LRFN5: variants seen among roughly 807,000 people sequenced by gnomAD.
The protein encoded by LRFN5 is leucine rich repeat and fibronectin type III domain containing 5.
Under a neutral mutation model 45.6 loss-of-function variants are expected in LRFN5, and 24 were observed. The observed-to-expected ratio is 0.53, with a 90% confidence interval of 0.38 to 0.74. The LOEUF (loss-of-function observed/expected upper bound fraction) is 0.74. Ranked by LOEUF, LRFN5 falls within the 30% of genes least tolerant of loss-of-function variation. The pLI is 0.00. For missense variants in LRFN5, 776 were observed against 861.5 expected (o/e 0.90, Z 1.24); for synonymous variants, 340 against 313.8 (o/e 1.08, Z -0.88).
chr14:41,753,525 G>T (rs993458697), intron 1 of LRFN5, among the ~76,000 whole-genome samples: 9 of 152,018 alleles, frequency 5.9e-5, no homozygotes, highest in Admixed American at 5.2e-4. Context: ...TCTCTTTGAA[G>T]CAATTGTGAA....
rs377131913 is a variant in LRFN5 at position 41,753,827 on chromosome 14, G to T, written c.-196-13027G>T. The stretch of plus-strand genomic sequence containing the variant: ...TGTTGAATAGGAGTGGTGAGAGAGG[G>T]CATCCCTGTCTTGTGCCAGTTTTCA... On this transcript the variant is annotated intron_variant, in intron 1 of 5. Coordinates refer to ENST00000298119, the MANE Select transcript of LRFN5 (RefSeq NM_152447.5). Among the ~76,000 whole-genome samples the T allele has an allele frequency of 2.5e-4, 38 of 152,246 alleles. No homozygotes were observed. The East Asian group carries it at 6.8e-3, about 27-fold the overall frequency.
chr14:41,790,603 G>T (rs1886885975), intron 2 of LRFN5, among the ~76,000 whole-genome samples: 1 of 147,776 alleles, frequency 6.8e-6, no homozygotes. Context: ...GGCTGATTTA[G>T]TTGCAATACA....
intron 1 of LRFN5, among the ~76,000 whole-genome samples, chr14:41,762,102 GCACAA>G (rs1885695875): frequency 7.0e-6 from 1 of 142,774 alleles, no homozygotes; most frequent in Non-Finnish European, 1.5e-5. Context: ...TGAAAAGCAA[GCACAA>G]CCTCTACCCA....
At chr14:41,856,865 A>G (rs1026341293) in intron 2 of LRFN5, among the ~76,000 whole-genome samples, 2 of 146,150 alleles carry the variant, frequency 1.4e-5, no homozygotes, top group African/African-American at 5.0e-5. Flanking sequence ...TTTAGTAGAG[A>G]CGGGGTTTCA....
At chr14:41,691,761 C>A (rs189904758) in intron 1 of LRFN5, among the ~76,000 whole-genome samples, 33 of 152,072 alleles carry the variant, frequency 2.2e-4, no homozygotes, top group Admixed American at 2.0e-3. Context: ...CCAGATTATC[C>A]CCATTCCTTA....
At chr14:41,693,122 A>AT (rs1882454445) in intron 1 of LRFN5, among the ~76,000 whole-genome samples, 1 of 152,096 alleles carries the variant, frequency 6.6e-6, no homozygotes, top group Non-Finnish European at 1.5e-5. Context: ...ACACTATACA[A>AT]TCTTGATTAT....
chr14:41,892,355 CAT>C (rs1368112605), intron 4 of LRFN5: 13 of 984,200 alleles, frequency 1.3e-5, no homozygotes, highest in African/African-American at 5.3e-5. Flanking sequence ...TGGAAGGAAA[CAT>C]AAATAAAATG....
intron 1 of LRFN5, among the ~76,000 whole-genome samples, chr14:41,734,133 C>G (rs887688952): frequency 1.4e-5 from 2 of 138,182 alleles, no homozygotes; most frequent in African/African-American, 5.3e-5. Context: ...TCAAGCAATT[C>G]TCCCGCCTCA....
At chr14:41,674,964 G>A (rs1160042837) in intron 1 of LRFN5, among the ~76,000 whole-genome samples, 20 of 151,910 alleles carry the variant, frequency 1.3e-4, no homozygotes, top group Admixed American at 1.3e-4. Context: ...CATCCCAGAC[G>A]GGGCGGCAGG....
chr14:41,818,924 A>G (rs1437567191), intron 2 of LRFN5, among the ~76,000 whole-genome samples: 1 of 152,050 alleles, frequency 6.6e-6, no homozygotes, highest in Non-Finnish European at 1.5e-5. Context: ...TACAGTATCT[A>G]TTATTCCACT....
At chr14:41,665,668 T>G (rs1176519080) in intron 1 of LRFN5, among the ~76,000 whole-genome samples, 1 of 152,028 alleles carries the variant, frequency 6.6e-6, no homozygotes, top group Non-Finnish European at 1.5e-5. Flanking sequence ...TCTGACATTT[T>G]TAACATAAAT....
intron 2 of LRFN5, among the ~76,000 whole-genome samples, chr14:41,883,235 T>A (rs1001318828): frequency 4.1e-4 from 63 of 152,272 alleles, no homozygotes; most frequent in Middle Eastern, 3.4e-3. Flanking sequence ...ATAATGTTAC[T>A]ATTTTTAAAA....
At chr14:41,672,634 C>G (rs1881289038) in intron 1 of LRFN5, among the ~76,000 whole-genome samples, 1 of 152,124 alleles carries the variant, frequency 6.6e-6, no homozygotes, top group Admixed American at 6.6e-5. Flanking sequence ...AAGTTATAAC[C>G]TTTAATCTTT....
chr14:41,743,393 C>T (rs1277201869), intron 1 of LRFN5, among the ~76,000 whole-genome samples: 1 of 152,106 alleles, frequency 6.6e-6, no homozygotes, highest in Non-Finnish European at 1.5e-5. Flanking sequence ...GTTGGCTGCT[C>T]ACTTAAACAG....
intron 2 of LRFN5, among the ~76,000 whole-genome samples, chr14:41,794,110 A>C (rs1014944315): frequency 6.6e-6 from 1 of 151,964 alleles, no homozygotes; most frequent in Non-Finnish European, 1.5e-5. Flanking sequence ...TATGACTCCC[A>C]CAAATGATGA....
chr14:41,891,202 G>C, intron 3 of LRFN5, 48 bp from the exon 4 acceptor site: 2 of 1,410,286 alleles, frequency 1.4e-6, no homozygotes, highest in Non-Finnish European at 2.0e-6. Context: ...TTCTGTGTAT[G>C]TGTTTTGTTT....
At chr14:41,849,542 T>G (rs1220510024) in intron 2 of LRFN5, among the ~76,000 whole-genome samples, 1 of 151,958 alleles carries the variant, frequency 6.6e-6, no homozygotes, top group African/African-American at 2.4e-5. Context: ...CTCACCTGCT[T>G]CTTCACACCT....
chr14:41,781,397 C>A (rs1377415100), intron 2 of LRFN5, among the ~76,000 whole-genome samples: 2 of 151,416 alleles, frequency 1.3e-5, no homozygotes, highest in African/African-American at 4.8e-5. Context: ...ACTAGGGAGG[C>A]TGATCTGGTA....
intron 2 of LRFN5, among the ~76,000 whole-genome samples, chr14:41,829,388 T>G (rs1888402673): frequency 6.6e-6 from 1 of 152,022 alleles, no homozygotes; most frequent in African/African-American, 2.4e-5. Flanking sequence ...TCCTTTTGAT[T>G]TATTTTTAAA....
Sources: gnomAD v4.1 joint callset for allele counts (sites outside exome capture counted in the v4.1 genomes callset) on GRCh38, gnomAD v4.1.1 for gene constraint, MANE v1.5 for transcripts, NCBI Gene and HGNC (gene_info 2026-07-23, HGNC 2026-07-21) for gene names.